ZNF420: variants seen among roughly 807,000 people sequenced by gnomAD.
The protein encoded by ZNF420 is ATM and p53-associated KZNF protein.
ZNF420 carries 31 observed loss-of-function variants against 44.7 expected under a neutral mutation model. The ratio of observed to expected loss-of-function variants is 0.69; its 90% confidence interval spans 0.52 to 0.94. The LOEUF is 0.94. Ranked by LOEUF, ZNF420 falls within the 40% of genes least tolerant of loss-of-function variation. ZNF420 has a pLI of 0.00. For synonymous variants in ZNF420, 245 were observed against 267.4 expected, an observed-to-expected ratio of 0.92 and a Z score of 0.82; for missense variants, 681 against 827.9, an observed-to-expected ratio of 0.82 and a Z score of 2.18.
At chr19:37,030,083 G>T (rs1347359126) in intron 1 of ZNF420, among the ~76,000 whole-genome samples, 1 of 152,090 alleles carries the variant, frequency 6.6e-6, no homozygotes, top group African/African-American at 2.4e-5. Context: ...CTGCTACTTT[G>T]TATCTCTGAC....
intron 1 of ZNF420, among the ~76,000 whole-genome samples, chr19:37,011,311 T>G (rs1203389915): frequency 6.6e-6 from 1 of 152,210 alleles, no homozygotes; most frequent in Non-Finnish European, 1.5e-5. Context: ...ACAGGGAAGC[T>G]CCCTTGGTCT....
intron 1 of ZNF420, among the ~76,000 whole-genome samples, chr19:37,079,817 C>A (rs62108897): frequency 0.5 from 76,279 of 151,550 alleles, 19,848 homozygotes; most frequent in African/African-American, 0.58. Flanking sequence ...GTCATGGTTT[C>A]ACCATGACCT....
At chr19:37,101,215 C>T (rs1376012689) in intron 4 of ZNF420, among the ~76,000 whole-genome samples, 5 of 152,128 alleles carry the variant, frequency 3.3e-5, no homozygotes, top group African/African-American at 4.8e-5. Flanking sequence ...GTTTGCAGGC[C>T]GGAACCTGGT....
intron 1 of ZNF420, among the ~76,000 whole-genome samples, chr19:37,069,370 A>C (rs1191279604): frequency 1.3e-5 from 2 of 152,184 alleles, no homozygotes; most frequent in African/African-American, 2.4e-5. Context: ...TCATAGTAGA[A>C]ATTTAAAAGT....
chr19:37,121,716 A>C (rs1412435605), intron 4 of ZNF420, among the ~76,000 whole-genome samples: 3 of 152,248 alleles, frequency 2.0e-5, no homozygotes, highest in African/African-American at 7.2e-5. Flanking sequence ...AAATTTTCGC[A>C]ACCTACTCCT....
At chr19:37,036,249 CACAA>C (rs1967352585) in intron 1 of ZNF420, among the ~76,000 whole-genome samples, 1 of 152,140 alleles carries the variant, frequency 6.6e-6, no homozygotes, top group South Asian at 2.1e-4. Flanking sequence ...ATGTTCCCAA[CACAA>C]ACAATTGATA....
rs943144566 is a variant in ZNF420 at position 37,090,844 on chromosome 19, T to C, written c.10-151T>C. The stretch of plus-strand genomic sequence containing the variant: ...CTGAGGCAGGAGAATTGCTTGAACC[T>C]AGGAGGCGGAGGTTGCAGCGTGCCG... On this transcript the variant is annotated intron_variant, in intron 3 of 4. Coordinates refer to ENST00000337995, the MANE Select transcript of ZNF420 (RefSeq NM_144689.5). 9.4e-6 allele frequency: 6 copies of C among 639,766 alleles called. No individual in the cohort carries two copies. In the Admixed American group the frequency reaches 1.6e-4, roughly 17 times the overall value. 39.6% of individuals were successfully genotyped at this position (639,766 alleles called of 1,614,324 possible). A position where few individuals can be genotyped will look rare whatever the true frequency, so the allele number is the denominator to read the frequency against.
At chr19:37,121,788 C>G (rs1389997137) in intron 4 of ZNF420, among the ~76,000 whole-genome samples, 1 of 152,024 alleles carries the variant, frequency 6.6e-6, no homozygotes, top group Non-Finnish European at 1.5e-5. Context: ...AAAAACAACC[C>G]CATCAAAAAG....
chr19:37,121,653 C>T (rs1404102049), intron 4 of ZNF420, among the ~76,000 whole-genome samples: 1 of 152,118 alleles, frequency 6.6e-6, no homozygotes, highest in Non-Finnish European at 1.5e-5. Flanking sequence ...AGAGCTTCTG[C>T]ACAGCAAAAG....
chr19:37,124,668 T>C (rs905498308), intron 4 of ZNF420, among the ~76,000 whole-genome samples: 1 of 148,460 alleles, frequency 6.7e-6, no homozygotes, highest in African/African-American at 2.5e-5. Flanking sequence ...GTTTTTTTTT[T>C]CTTTTTCTTT....
chr19:37,085,396 A>AC (rs2146507820), intron 2 of ZNF420, among the ~76,000 whole-genome samples: 1 of 152,310 alleles, frequency 6.6e-6, no homozygotes, highest in South Asian at 2.1e-4. Flanking sequence ...GTTGTTAATG[A>AC]AGAGTCTGAC....
intron 2 of ZNF420, among the ~76,000 whole-genome samples, chr19:37,087,710 A>T (rs1968900612): frequency 6.6e-6 from 1 of 152,270 alleles, no homozygotes; most frequent in African/African-American, 2.4e-5. Flanking sequence ...CAGTGGCGCG[A>T]TCTCGGCTCG....
At chr19:37,100,750 T>C (rs1335974831) in intron 4 of ZNF420, among the ~76,000 whole-genome samples, 1 of 152,102 alleles carries the variant, frequency 6.6e-6, no homozygotes, top group East Asian at 1.9e-4. Context: ...TGGGGACTTT[T>C]GTGGTTCCAT....
chr19:37,044,110 TAAG>T (rs1408587639), intron 1 of ZNF420, among the ~76,000 whole-genome samples: 1 of 152,166 alleles, frequency 6.6e-6, no homozygotes, highest in Non-Finnish European at 1.5e-5. Flanking sequence ...CTTCAGAAAA[TAAG>T]GTCTTCATGC....
chr19:37,074,498 T>G (rs1968113644), upstream of ZNF420, among the ~76,000 whole-genome samples: 1 of 152,104 alleles, frequency 6.6e-6, no homozygotes, highest in Admixed American at 6.5e-5. Context: ...TGTTCTAGAT[T>G]AAAGAAATTA....
At chr19:37,048,153 C>CAA (rs35361281) in intron 1 of ZNF420, among the ~76,000 whole-genome samples, 85,212 of 151,812 alleles carry the variant, frequency 0.56, 25,475 homozygotes, top group African/African-American at 0.76. Flanking sequence ...CTCTGTGGTG[C>CAA]AAGAGCAGAC....
At chr19:37,075,066 T>C (rs921331244), upstream of ZNF420, 2 of 152,162 alleles carry the variant, frequency 1.3e-5, no homozygotes, top group Admixed American at 6.5e-5. Context: ...ACAAAGACTC[T>C]CAAAGAAAAT....
chr19:37,082,228 T>G (rs1490480507), intron 2 of ZNF420, among the ~76,000 whole-genome samples: 1 of 152,166 alleles, frequency 6.6e-6, no homozygotes, highest in Admixed American at 6.5e-5. Flanking sequence ...AGTGGTGTGA[T>G]CTCAGCTCAC....
intron 4 of ZNF420, among the ~76,000 whole-genome samples, chr19:37,118,340 C>T (rs914758971): frequency 5.9e-5 from 9 of 152,048 alleles, no homozygotes; most frequent in Non-Finnish European, 7.4e-5. Flanking sequence ...AAAGAATTTC[C>T]AACCCAGAAT....
Sources: allele counts gnomAD v4.1 joint callset (sites outside exome capture counted in the v4.1 genomes callset), GRCh38; gene constraint gnomAD v4.1.1; transcripts MANE v1.5; gene names NCBI Gene and HGNC (gene_info 2026-07-23, HGNC 2026-07-21).